Variants in OR2H1 observed in about 807,000 individuals in gnomAD.
OR2H1 encodes the protein olfactory receptor family 2 subfamily H member 1.
For missense variants in OR2H1, 380 were observed against 367.3 expected (o/e 1.03, Z -0.28); for synonymous variants, 155 against 155.2 (o/e 1.00, Z 0.01).
chr6:29,461,862 T>A lies in OR2H1; in HGVS notation c.93T>A (p.Thr31=). Residue 31 remains threonine, a synonymous_variant, in exon 4 of 4, where the codon ACT becomes ACA. Transcript: ENST00000377133. The part of the protein sequence containing the change: ...LERTLFVVVF[T]SYLLTLVGNT... ...GGACTCTCTTTGTGGTTGTCTTCAC[T>A]TCCTACCTCTTGACCCTGGTGGGCA... The A allele has an allele frequency of 6.2e-7, 1 of 1,613,094 alleles. No homozygotes were observed. The highest frequency in any genetic ancestry group is 8.5e-7 in the Non-Finnish European group (1 of 1,180,034).
At position 29,461,950 on chromosome 6, in the gene OR2H1, C is replaced by G; in HGVS notation, c.181C>G (p.Leu61Val). 6.2e-7 allele frequency: 1 copy of G among 1,613,040 alleles called. No homozygotes were observed. The change falls in exon 4 of 4, where the codon CTC becomes GTC. Residue 61 changes from leucine to valine, a missense_variant. Physicochemically the swap from Leu to Val is conservative, Grantham distance 32. Coordinates refer to ENST00000377133, the MANE Select transcript of OR2H1 (RefSeq NM_030883.5). ...PRLHSPMYFF[L>V]SDLSFLDLCF... ...GCTCCACTCTCCAATGTACTTTTTCCTCTCTGACCTCTCCTTCTTGGACCT... is the reference window on the plus strand; with the variant it reads ...GCTCCACTCTCCAATGTACTTTTTCGTCTCTGACCTCTCCTTCTTGGACCT...
rs1787660963 is a variant in OR2H1 at position 29,464,252 on chromosome 6, T to C, written c.*1532T>C. On this transcript the variant is annotated 3_prime_UTR_variant, in exon 4 of 4. Coordinates refer to ENST00000377133, the MANE Select transcript of OR2H1 (RefSeq NM_030883.5). ...TCAATTTAGCAGCCTTTCAAATGTATATGGTTCTGGCCACATTAAAGTTGC... is the reference window on the plus strand; with the variant it reads ...TCAATTTAGCAGCCTTTCAAATGTACATGGTTCTGGCCACATTAAAGTTGC... 1 of 167,006 alleles carries C rather than the reference T, an allele frequency of 6.0e-6. No homozygotes were observed. The highest frequency in any genetic ancestry group is 1.9e-4 in the East Asian group (1 of 5,206). The allele number at this position is 167,006 out of a possible 1,614,324, so 10.3% of individuals were successfully genotyped here.
chr6:29,464,064 T>A lies in OR2H1; in HGVS notation c.*1344T>A, dbSNP rs1787639239. The A allele has an allele frequency of 6.0e-6, 1 of 167,120 alleles. No individual in the cohort carries two copies. The highest frequency in any genetic ancestry group is 2.1e-4 in the South Asian group (1 of 4,824). 10.4% of individuals were successfully genotyped at this position (167,120 alleles called of 1,614,324 possible). Reference sequence around the variant, plus strand: ...TCCTACTTCCTCAAGGTTCTTTCTGTCCAGTTGCTCCTTCTTCTATTGACC... The same window carrying A: ...TCCTACTTCCTCAAGGTTCTTTCTGACCAGTTGCTCCTTCTTCTATTGACC... On this transcript the variant is annotated 3_prime_UTR_variant, in exon 4 of 4. Coordinates refer to ENST00000377133, the MANE Select transcript of OR2H1 (RefSeq NM_030883.5).
chr6:29,459,036 C>G (rs893538288), intron 2 of OR2H1, among the ~76,000 whole-genome samples: 1 of 151,860 alleles, frequency 6.6e-6, no homozygotes, highest in African/African-American at 2.4e-5. Flanking sequence ...AAGGAAAAGG[C>G]ATGTTATTAA....
intron 2 of OR2H1, 191 bp from the exon 3 acceptor site, chr6:29,460,213 A>T (rs1787062724): frequency 1.3e-5 from 2 of 151,952 alleles, no homozygotes; most frequent in South Asian, 4.2e-4. Context: ...TTATTTATTT[A>T]GTTAGTTTTG....
intron 3 of OR2H1, 119 bp from the exon 4 acceptor site, chr6:29,461,376 A>G: frequency 4.9e-6 from 1 of 202,842 alleles, no homozygotes; most frequent in Non-Finnish European, 1.0e-5. Flanking sequence ...GTACATAATG[A>G]AATATTCAGA....
At chr6:29,459,609 T>A (rs1786979312) in intron 2 of OR2H1, among the ~76,000 whole-genome samples, 1 of 152,070 alleles carries the variant, frequency 6.6e-6, no homozygotes. Context: ...TCCCATAAAG[T>A]CCCAGGGCAC....
In OR2H1 at chr6:29,461,597, A is replaced by C. The variant is rs1787253437; in HGVS notation, c.-173A>C. 5.0e-6 allele frequency: 3 copies of C among 596,566 alleles called. No individual in the cohort carries two copies. In the South Asian group the frequency reaches 6.9e-5, roughly 14 times the overall value. 37.0% of individuals were successfully genotyped at this position (596,566 alleles called of 1,614,324 possible). A position where few individuals can be genotyped will look rare whatever the true frequency, so the allele number is the denominator to read the frequency against. ...TTGATCAGAAGGAACAGGGAACGAG[A>C]AGGAGCTGCTGGATGACGATAAGCC... On this transcript the variant is annotated 5_prime_UTR_variant, in exon 4 of 4. Transcript: ENST00000377133.
rs1310649160 is a variant in OR2H1 at position 29,462,616 on chromosome 6, C to T, written c.847C>T (p.Leu283Phe). The change falls in exon 4 of 4, where the codon CTT (leucine) becomes TTT (phenylalanine). Residue 283 changes from leucine (L) to phenylalanine (F), a missense_variant. Physicochemically the swap from Leu to Phe is conservative, Grantham distance 22. Coordinates refer to ENST00000377133, the MANE Select transcript of OR2H1 (RefSeq NM_030883.5). ...CTTCTATGCAGTGGGCACTCCTTCACTTAACCCTCTCGTATACACCCTGAG... is the reference window on the plus strand; with the variant it reads ...CTTCTATGCAGTGGGCACTCCTTCATTTAACCCTCTCGTATACACCCTGAG... ...GLFYAVGTPS[L>F]NPLVYTLRNK... 1 of 1,613,072 alleles carries T rather than the reference C, an allele frequency of 6.2e-7. No individual in the cohort carries two copies. The highest frequency in any genetic ancestry group is 8.5e-7 in the Non-Finnish European group (1 of 1,180,020).
In OR2H1 at chr6:29,461,824, C is replaced by T; in HGVS notation, c.55C>T (p.Pro19Ser). Residue 19 changes from proline (P) to serine (S), a missense_variant, in exon 4 of 4, where the codon CCA becomes TCA. By Grantham distance (74) the Pro-to-Ser change is moderately conservative. Transcript: ENST00000377133. ...GFLLLGFSEH[P>S]ALERTLFVVV... ...CCTCCTTCTGGGCTTCTCTGAACAC[C>T]CAGCACTGGAAAGGACTCTCTTTGT... The T allele has an allele frequency of 3.7e-6, 6 of 1,613,034 alleles. No individual in the cohort carries two copies. The highest frequency in any genetic ancestry group is 5.1e-6 in the Non-Finnish European group (6 of 1,180,006).
At position 29,462,747 on chromosome 6, in the gene OR2H1, C is replaced by A. The variant is rs116701943; in HGVS notation, c.*27C>A. ...ATACTTTCGAAAGTAAGAAGAGTTT[C>A]TTCAAGATTTATGAACATGTTAAGT... On this transcript the variant is annotated 3_prime_UTR_variant, in exon 4 of 4. Transcript: ENST00000377133. 15,486 of 1,550,364 alleles carry A rather than the reference C, an allele frequency of 1.0e-2. 123 individuals are homozygous for A. Among genetic ancestry groups the A allele is most frequent in the African/African-American group, 0.029 (2,153 of 73,074 alleles).
intron 2 of OR2H1, among the ~76,000 whole-genome samples, chr6:29,459,616 G>T (rs182227522): frequency 6.6e-6 from 1 of 152,086 alleles, no homozygotes; most frequent in East Asian, 1.9e-4. Flanking sequence ...AAGTCCCAGG[G>T]CACTGTCTGC....
At chr6:29,460,882 A>T (rs1286395775) in intron 3 of OR2H1, 1 of 152,176 alleles carries the variant, frequency 6.6e-6, no homozygotes, top group Non-Finnish European at 1.5e-5. Context: ...CTAGATCCTG[A>T]ATAATTTCTA....
chr6:29,457,869 G>A (rs1397117290), intron 1 of OR2H1, among the ~76,000 whole-genome samples: 1 of 152,104 alleles, frequency 6.6e-6, no homozygotes, highest in Non-Finnish European at 1.5e-5. Context: ...ATGCCAAAGG[G>A]AACTCAGTTG....
chr6:29,458,959 T>C (rs1786861784), intron 2 of OR2H1, among the ~76,000 whole-genome samples: 1 of 152,134 alleles, frequency 6.6e-6, no homozygotes, highest in African/African-American at 2.4e-5. Context: ...GTGGAGTTAA[T>C]GGGATGTAGG....
chr6:29,462,964 AT>A lies in OR2H1; in HGVS notation c.*245del. The A allele has an allele frequency of 3.7e-6, 2 of 541,878 alleles. No individual in the cohort carries two copies. Among genetic ancestry groups the A allele is most frequent in the Non-Finnish European group, 3.3e-6 (1 of 299,050 alleles). The allele number at this position is 541,878 out of a possible 1,614,324, so 33.6% of individuals were successfully genotyped here. On this transcript the variant is annotated 3_prime_UTR_variant, in exon 4 of 4. Transcript: ENST00000377133. ...TCATTCCTATCACTGTCCATTCTTAATATTTCTATCCTCCATTCTGTTCTTT... is the reference window on the plus strand; with the variant it reads ...TCATTCCTATCACTGTCCATTCTTAAATTTCTATCCTCCATTCTGTTCTTT...
At position 29,462,385 on chromosome 6, in the gene OR2H1, G is replaced by T; in HGVS notation, c.616G>T (p.Val206Phe). 6.2e-7 allele frequency: 1 copy of T among 1,613,072 alleles called. No individual in the cohort carries two copies. Among genetic ancestry groups the T allele is most frequent in the South Asian group, 1.1e-5 (1 of 91,084 alleles). ...GGCTGTGTCCAGTGTCATCTTCGTG[G>T]TTGTGCCTCTCAGCCTCATCCTTGC... is the stretch of plus-strand genomic sequence containing the variant. ...QLAVSSVIFV[V>F]VPLSLILASY... The change falls in exon 4 of 4, where the codon GTT (valine) becomes TTT (phenylalanine). Residue 206 changes from valine (V) to phenylalanine (F), a missense_variant. Coordinates refer to ENST00000377133, the MANE Select transcript of OR2H1 (RefSeq NM_030883.5).
chr6:29,458,613 T>C (rs1440116618), intron 2 of OR2H1, 44 bp downstream of exon 2: 2 of 152,234 alleles, frequency 1.3e-5, no homozygotes, highest in Non-Finnish European at 2.9e-5. Context: ...AATTTCCACA[T>C]GTTCTTAAGA....
rs1397465077 is a variant in OR2H1 at position 29,460,427 on chromosome 6, CA to C, written c.-302del. On this transcript the variant is annotated 5_prime_UTR_variant, in exon 3 of 4. An upstream open reading frame in the 5' UTR gains an earlier in-frame stop. Coordinates refer to ENST00000377133, the MANE Select transcript of OR2H1 (RefSeq NM_030883.5). Reference sequence around the variant, plus strand: ...AGAGACGAGGTTTCACCATGTTGACCAGGCTGATCTCAAACATCTGACCTCA... The same window carrying C: ...AGAGACGAGGTTTCACCATGTTGACCGGCTGATCTCAAACATCTGACCTCA... 3 of 139,604 alleles carry C rather than the reference CA, an allele frequency of 2.1e-5. No individual in the cohort carries two copies. In the East Asian group the frequency reaches 6.2e-4, roughly 29 times the overall value. The allele number at this position is 139,604 out of a possible 1,614,324, so 8.6% of individuals were successfully genotyped here.
Sources: allele counts gnomAD v4.1 joint callset (sites outside exome capture counted in the v4.1 genomes callset), GRCh38; gene constraint gnomAD v4.1.1; transcripts MANE v1.5; gene names NCBI Gene and HGNC (gene_info 2026-07-23, HGNC 2026-07-21).